Variants in CDK5RAP2 observed in about 807,000 individuals in gnomAD.
CDK5RAP2 encodes the protein CDK5 regulatory subunit associated protein 2.
Under a neutral mutation model 232.9 loss-of-function variants are expected in CDK5RAP2, and 147 were observed. The observed-to-expected ratio is 0.63, with a 90% CI of 0.55 to 0.72. The LOEUF is 0.72. CDK5RAP2 is among the 30% of genes least tolerant of loss of function. The pLI, the probability that CDK5RAP2 is intolerant of heterozygous loss-of-function variation, is 0.00. For missense variants in CDK5RAP2, 2,195 were observed against 2,231.5 expected, an observed-to-expected ratio of 0.98 and a Z score of 0.33; for synonymous variants, 833 against 833.7, an observed-to-expected ratio of 1.00 and a Z score of 0.01.
Position 120,420,055 on chromosome 9 carries a change from G to GT in CDK5RAP2, c.4005-96dup, listed in dbSNP as rs1051816677. 37 of 979,188 alleles carry GT rather than the reference G, an allele frequency of 3.8e-5. No homozygotes were observed. In the African/African-American group the frequency reaches 4.3e-4, roughly 11 times the overall value. 60.7% of individuals were successfully genotyped at this position (979,188 alleles called of 1,614,324 possible). ...AATACTTACGATTACTTTACTCTTA[G>GT]TAACTCCCCAATGTTTGCAACTTCA... On this transcript the variant is annotated intron_variant, in intron 26 of 37. Coordinates refer to ENST00000349780, the MANE Select transcript of CDK5RAP2 (RefSeq NM_018249.6).
chr9:120,420,063 C>A, intron 26 of CDK5RAP2, 103 bp from the exon 27 acceptor site: 1 of 896,816 alleles, frequency 1.1e-6, no homozygotes, highest in Non-Finnish European at 1.8e-6. Flanking sequence ...TAGTAACTCC[C>A]CAATGTTTGC....
chr9:120,499,512 ACATT>A (rs1244163463), intron 12 of CDK5RAP2, among the ~76,000 whole-genome samples: 3 of 152,302 alleles, frequency 2.0e-5, no homozygotes, highest in East Asian at 3.9e-4. Flanking sequence ...AGCAGACACT[ACATT>A]CATAATTGGT....
At position 120,491,387 on chromosome 9, in the gene CDK5RAP2, T is replaced by C; in HGVS notation, c.1402A>G (p.Ser468Gly). ...ENRYKSLLSE[S>G]NKKLHNQEQV... ...TCTTGATTGTGCAATTTTTTATTGC[T>C]TTCACTCAGAAGACTCTTGTAACGA... is the stretch of plus-strand genomic sequence containing the variant. The change falls in exon 13 of 38, where the codon AGC becomes GGC. Residue 468 changes from serine (S) to glycine (G), a missense_variant. Transcript: ENST00000349780. 1 of 1,612,654 alleles carries C rather than the reference T, an allele frequency of 6.2e-7. No individual in the cohort carries two copies. The highest frequency in any genetic ancestry group is 8.5e-7 in the Non-Finnish European group (1 of 1,178,918).
intron 14 of CDK5RAP2, among the ~76,000 whole-genome samples, chr9:120,482,212 TC>T (rs2038358586): frequency 6.6e-6 from 1 of 152,148 alleles, no homozygotes; most frequent in African/African-American, 2.4e-5. Flanking sequence ...GCACAGAGAC[TC>T]CAGGAATGTA....
At chr9:120,452,272 G>C (rs1416229572) in intron 21 of CDK5RAP2, among the ~76,000 whole-genome samples, 4 of 136,768 alleles carry the variant, frequency 2.9e-5, no homozygotes, top group African/African-American at 1.3e-4. Flanking sequence ...CTCTCTCTCT[G>C]GTCTCTACTG....
intron 14 of CDK5RAP2, among the ~76,000 whole-genome samples, chr9:120,485,971 A>G (rs1833823591): frequency 6.6e-6 from 1 of 152,246 alleles, no homozygotes; most frequent in Admixed American, 6.5e-5. Context: ...ATTAAGAAAC[A>G]GCTCCAACTG....
At position 120,573,266 on chromosome 9, in the gene CDK5RAP2, G is replaced by A. The variant is rs72755742; in HGVS notation, c.60-1225C>T. ...AAAATGATCACAAAAAAATGTGTCC[G>A]GGCTGGGTGCAGTGACTCATGCCTA... is the stretch of plus-strand genomic sequence containing the variant. On this transcript the variant is annotated intron_variant, in intron 1 of 37. Transcript: ENST00000349780. Among the ~76,000 whole-genome samples the A allele has an allele frequency of 7.4e-3, 1,127 of 152,194 alleles. 6 individuals carry two copies. Among genetic ancestry groups the A allele is most frequent in the Non-Finnish European group, 0.012 (843 of 67,986 alleles).
chr9:120,534,662 G>A (rs1456070047), intron 7 of CDK5RAP2, among the ~76,000 whole-genome samples: 1 of 152,188 alleles, frequency 6.6e-6, no homozygotes, highest in Non-Finnish European at 1.5e-5. Context: ...GACCCTCAGA[G>A]GGCCTTTTCT....
At chr9:120,479,638 C>A (rs918781253) in intron 14 of CDK5RAP2, among the ~76,000 whole-genome samples, 1 of 152,114 alleles carries the variant, frequency 6.6e-6, no homozygotes, top group East Asian at 1.9e-4. Context: ...GACAAACAAC[C>A]CAAACTGAAG....
At position 120,539,063 on chromosome 9, in the gene CDK5RAP2, T is replaced by C. The variant is rs371278931; in HGVS notation, c.485A>G (p.Lys162Arg). 5.6e-6 allele frequency: 9 copies of C among 1,614,000 alleles called. No homozygotes were observed. The African/African-American group carries it at 1.1e-4, about 19-fold the overall frequency. The stretch of plus-strand genomic sequence containing the variant: ...TGCCTTTTCCAAAAGGAGTATTCTT[T>C]TAGTTAGGAGATCTTCCACCTGCTG... The part of the protein sequence containing the change: ...KVQQVEDLLT[K>R]RILLLEKDVT... Residue 162 changes from lysine (K) to arginine (R), a missense_variant, in exon 6 of 38, where the codon AAA (lysine) becomes AGA (arginine). By Grantham distance (26) the Lys-to-Arg change is conservative. Transcript: ENST00000349780.
At chr9:120,530,670 T>G (rs1055988520) in intron 7 of CDK5RAP2, among the ~76,000 whole-genome samples, 10 of 151,994 alleles carry the variant, frequency 6.6e-5, no homozygotes, top group Non-Finnish European at 1.3e-4. Context: ...TGGAATACTA[T>G]GCAGCCATAA....
At chr9:120,425,487 T>C (rs1828615117) in intron 25 of CDK5RAP2, among the ~76,000 whole-genome samples, 1 of 152,320 alleles carries the variant, frequency 6.6e-6, no homozygotes, top group Non-Finnish European at 1.5e-5. Flanking sequence ...TGTGAGACAA[T>C]AGGAGGACTT....
chr9:120,440,357 T>C (rs915342833), intron 23 of CDK5RAP2: 7 of 289,454 alleles, frequency 2.4e-5, no homozygotes, highest in Non-Finnish European at 4.7e-5. Context: ...ACTCTGGAGA[T>C]TTCCTACAAA....
At chr9:120,443,407 C>T (rs2036006745) in intron 23 of CDK5RAP2, among the ~76,000 whole-genome samples, 1 of 152,202 alleles carries the variant, frequency 6.6e-6, no homozygotes. Context: ...TGGGTTCTGA[C>T]ATCCTACTGT....
chr9:120,466,135 G>C (rs948550721), intron 18 of CDK5RAP2, among the ~76,000 whole-genome samples: 1 of 152,020 alleles, frequency 6.6e-6, no homozygotes, highest in Non-Finnish European at 1.5e-5. Context: ...CTGATTTATA[G>C]TCTCCTACAG....
At chr9:120,548,865 C>T (rs1056707785) in intron 4 of CDK5RAP2, among the ~76,000 whole-genome samples, 23 of 152,128 alleles carry the variant, frequency 1.5e-4, no homozygotes, top group African/African-American at 5.3e-4. Flanking sequence ...AGAAAGATAT[C>T]ATTAAGTAAG....
chr9:120,490,209 C>A (rs2038828982), intron 13 of CDK5RAP2, among the ~76,000 whole-genome samples: 1 of 152,210 alleles, frequency 6.6e-6, no homozygotes, highest in African/African-American at 2.4e-5. Context: ...TGGAAAGGAC[C>A]TGTCAAAGGT....
chr9:120,432,326 G>A (rs2035330163), intron 25 of CDK5RAP2, among the ~76,000 whole-genome samples: 1 of 152,110 alleles, frequency 6.6e-6, no homozygotes, highest in Non-Finnish European at 1.5e-5. Flanking sequence ...AAAAAGGTCT[G>A]GGCATATATA....
At chr9:120,461,780 C>T (rs952452860) in intron 18 of CDK5RAP2, among the ~76,000 whole-genome samples, 18 of 152,272 alleles carry the variant, frequency 1.2e-4, no homozygotes, top group Admixed American at 6.5e-4. Context: ...GAGGTCGAGG[C>T]TGCAGTGAGC....
Sources: gnomAD v4.1 joint callset for allele counts (sites outside exome capture counted in the v4.1 genomes callset) on GRCh38, gnomAD v4.1.1 for gene constraint, MANE v1.5 for transcripts, NCBI Gene and HGNC (gene_info 2026-07-23, HGNC 2026-07-21) for gene names.